The following ZNF600 variants were observed in gnomAD, a reference collection of about 807,000 sequenced individuals.
ZNF600 encodes the protein zinc finger protein KR-ZNF1.
In ZNF600, 4 loss-of-function variants were observed where a neutral mutation model predicts 7.3. That is an observed-to-expected ratio of 0.55 (90% CI 0.27 to 1.25). ZNF600 has a LOEUF of 1.25. Ranked by LOEUF, ZNF600 falls within the 50% of genes most tolerant of loss-of-function variation. The probability of loss-of-function intolerance (pLI) is 0.12; values close to 1 mark genes in which losing one functional copy is unlikely to be tolerated. For synonymous variants in ZNF600, 290 were observed against 308.9 expected (o/e 0.94, Z 0.64); for missense variants, 911 against 922.1 (o/e 0.99, Z 0.16).
chr19:52,825,164 T>C, the ZNF600 span, among the ~76,000 whole-genome samples: 5 of 152,078 alleles, frequency 3.3e-5, no homozygotes, highest in African/African-American at 1.2e-4. Context: ...AGTTTCTCAA[T>C]AGCCCCTCCT....
At chr19:52,824,506 G>A in the ZNF600 span, among the ~76,000 whole-genome samples, 3 of 152,100 alleles carry the variant, frequency 2.0e-5, no homozygotes, top group East Asian at 3.9e-4. Flanking sequence ...GTGGTGGTGC[G>A]CGCCTGTAGT....
chr19:52,785,712 C>G (rs1040500805), intron 1 of ZNF600, among the ~76,000 whole-genome samples: 5 of 152,242 alleles, frequency 3.3e-5, no homozygotes, highest in African/African-American at 1.2e-4. Flanking sequence ...CCTCAGATCC[C>G]CAGGTGTCCT....
upstream of ZNF600, among the ~76,000 whole-genome samples, chr19:52,787,847 G>A (rs1344571336): frequency 1.5e-5 from 2 of 137,890 alleles, no homozygotes; most frequent in South Asian, 2.2e-4. Flanking sequence ...GCGACAGAGC[G>A]AGGCTACGTC....
chr19:52,789,813 T>A (rs992122130), upstream of ZNF600, among the ~76,000 whole-genome samples: 2 of 152,186 alleles, frequency 1.3e-5, no homozygotes, highest in African/African-American at 2.4e-5. Flanking sequence ...CAGCCTTTGT[T>A]TGAGCAACAT....
chr19:52,772,556 T>C (rs1427655734), intron 3 of ZNF600, among the ~76,000 whole-genome samples: 1 of 152,154 alleles, frequency 6.6e-6, no homozygotes, highest in Non-Finnish European at 1.5e-5. Flanking sequence ...TGAACTGAGA[T>C]TGTGCCATTG....
intron 3 of ZNF600, among the ~76,000 whole-genome samples, chr19:52,769,220 G>A (rs1458937045): frequency 2.0e-5 from 3 of 152,030 alleles, no homozygotes; most frequent in Non-Finnish European, 4.4e-5. Flanking sequence ...CACCTCTTGC[G>A]GAGGGCCTGA....
intron 3 of ZNF600, among the ~76,000 whole-genome samples, chr19:52,771,292 T>C (rs917566820): frequency 5.9e-5 from 9 of 152,126 alleles, no homozygotes; most frequent in African/African-American, 1.7e-4. Context: ...TTTCCCATTT[T>C]CCAGATTCAT....
the ZNF600 span, among the ~76,000 whole-genome samples, chr19:52,795,434 C>G: frequency 5.6e-5 from 6 of 106,956 alleles, no homozygotes; most frequent in African/African-American, 1.9e-4. Flanking sequence ...AAACAATTTA[C>G]AGTGGTTAAA....
chr19:52,766,682 G>T lies in ZNF600; in HGVS notation c.1281C>A (p.Tyr427Ter), dbSNP rs1289986221. The change falls in exon 4 of 4, where the codon TAC (tyrosine) becomes TAA (stop). Residue 427 changes from tyrosine to a stop codon, truncating the protein, a stop_gained. Coordinates refer to ENST00000648973, the Ensembl canonical transcript of ZNF600. LOFTEE classifies it low-confidence loss of function (END_TRUNC). ...AGGTCTTGCCACACTCATTACACTTGTAAGTTTTCTCTCCAGTGTGAATTC... is the reference window on the plus strand; with the variant it reads ...AGGTCTTGCCACACTCATTACACTTTTAAGTTTTCTCTCCAGTGTGAATTC... 1.2e-6 allele frequency: 2 copies of T among 1,614,058 alleles called. No homozygotes were observed. The highest frequency in any genetic ancestry group is 1.7e-6 in the Non-Finnish European group (2 of 1,180,040).
chr19:52,771,045 C>G (rs551780748), intron 3 of ZNF600, among the ~76,000 whole-genome samples: 1 of 152,210 alleles, frequency 6.6e-6, no homozygotes, highest in East Asian at 1.9e-4. Flanking sequence ...GTTGGTCAGG[C>G]TCGTTTCAAT....
the ZNF600 span, chr19:52,818,147 T>C: frequency 1.9e-4 from 215 of 1,114,480 alleles, no homozygotes; most frequent in African/African-American, 2.7e-3. Flanking sequence ...CTATGCTGCC[T>C]ACCGCACCAC....
chr19:52,829,252 A>G, the ZNF600 span, among the ~76,000 whole-genome samples: 4 of 145,558 alleles, frequency 2.7e-5, no homozygotes, highest in East Asian at 9.5e-4. Flanking sequence ...TTTAGGGTAC[A>G]TGTGCACATT....
At chr19:52,822,427 A>G in the ZNF600 span, among the ~76,000 whole-genome samples, 2 of 152,146 alleles carry the variant, frequency 1.3e-5, no homozygotes, top group Non-Finnish European at 2.9e-5. Context: ...ACTGAAAACT[A>G]AAAAATCTTC....
the ZNF600 span, chr19:52,810,393 G>T: frequency 6.2e-7 from 1 of 1,604,982 alleles, no homozygotes; most frequent in Non-Finnish European, 8.5e-7. Context: ...AGTCAACCAC[G>T]TTACCATACT....
rs367842308 is a variant in ZNF600, at chr19:52,767,455, T to A, written c.508A>T (p.Ile170Phe). ...TTACCAATTTTACCTTTGATCTGAATTATGTGGAGTTCAGGCAGATGTGAA... is the reference window on the plus strand; with the variant it reads ...TTACCAATTTTACCTTTGATCTGAAATATGTGGAGTTCAGGCAGATGTGAA... Residue 170 changes from isoleucine to phenylalanine, a missense_variant, in exon 4 of 4, where the codon ATT becomes TTT. By Grantham distance (21) the Ile-to-Phe change is conservative (BLOSUM62 0). Coordinates refer to ENST00000648973, the Ensembl canonical transcript of ZNF600. 29 of 1,614,060 alleles carry A rather than the reference T, an allele frequency of 1.8e-5. 1 individual carries two copies. Among genetic ancestry groups the A allele is most frequent in the East Asian group, 1.1e-4 (5 of 44,884 alleles).
chr19:52,777,819 AC>A (rs1249807639), intron 2 of ZNF600, among the ~76,000 whole-genome samples: 5 of 152,088 alleles, frequency 3.3e-5, no homozygotes, highest in African/African-American at 1.2e-4. Flanking sequence ...ACTGAGCGAG[AC>A]TCCATCTTAA....
intron 1 of ZNF600, among the ~76,000 whole-genome samples, chr19:52,782,802 G>C (rs2062733560): frequency 6.6e-6 from 1 of 152,044 alleles, no homozygotes; most frequent in South Asian, 2.1e-4. Context: ...TTGAACCCGA[G>C]AGCCGGAGGT....
upstream of ZNF600, among the ~76,000 whole-genome samples, chr19:52,787,416 T>C (rs1183928265): frequency 7.5e-5 from 11 of 145,782 alleles, no homozygotes; most frequent in East Asian, 2.2e-3. Context: ...TTTTTTTTTT[T>C]TTTTTTTTGA....
the ZNF600 span, chr19:52,801,480 C>T: frequency 2.2e-5 from 36 of 1,614,014 alleles, no homozygotes; most frequent in East Asian, 7.8e-4. Flanking sequence ...TTGGCCTGTA[C>T]TACCAGTCAA....
Sources: gnomAD v4.1 joint callset for allele counts (sites outside exome capture counted in the v4.1 genomes callset) on GRCh38, gnomAD v4.1.1 for gene constraint, MANE v1.5 for transcripts, NCBI Gene and HGNC (gene_info 2026-07-23, HGNC 2026-07-21) for gene names.